Variants in CEP250 observed in about 807,000 individuals in gnomAD.
CEP250 encodes centrosomal protein 250.
CEP250 carries 242 observed loss-of-function variants against 315.7 expected under a neutral mutation model. The observed-to-expected ratio is 0.77, with a 90% CI of 0.69 to 0.85. CEP250 has a LOEUF of 0.85. Among genes scored for constraint, CEP250 ranks in the 40% least tolerant of loss-of-function variants. The pLI, the probability that CEP250 is intolerant of heterozygous loss-of-function variation, is 0.00. For synonymous variants in CEP250, 1,088 were observed against 1,175.0 expected, an observed-to-expected ratio of 0.93 and a Z score of 1.51; for missense variants, 2,515 against 2,886.4, an observed-to-expected ratio of 0.87 and a Z score of 2.95.
At position 35,512,263 on chromosome 20, in the gene CEP250, G is replaced by A. The variant is rs768724504; in HGVS notation, c.*637G>A. ...TCCAGGGGCTGAGGAAGGGAGGCACGAACTGGCCCTTGAAAGATGGAGTGG... is the reference window on the plus strand; with the variant it reads ...TCCAGGGGCTGAGGAAGGGAGGCACAAACTGGCCCTTGAAAGATGGAGTGG... On this transcript the variant is annotated 3_prime_UTR_variant, in exon 35 of 35. Coordinates refer to ENST00000397527, the MANE Select transcript of CEP250 (RefSeq NM_007186.6). The A allele has an allele frequency of 3.2e-5, 5 of 158,424 alleles. No individual in the cohort carries two copies. The highest frequency in any genetic ancestry group is 1.3e-4 in the Admixed American group (2 of 15,282). 9.8% of individuals were successfully genotyped at this position (158,424 alleles called of 1,614,324 possible).
chr20:35,508,819 T>A, intron 32 of CEP250, 124 bp from the exon 33 acceptor site: 1 of 737,222 alleles, frequency 1.4e-6, no homozygotes. Flanking sequence ...AGCCAGGAGT[T>A]CTCTTCCCAT....
intron 13 of CEP250, 131 bp downstream of exon 13, chr20:35,473,683 G>A (rs2063087404): frequency 1.8e-6 from 2 of 1,118,102 alleles, no homozygotes; most frequent in South Asian, 3.3e-5. Context: ...GGGCTGTTTT[G>A]CCCAGTGTTT....
At chr20:35,460,960 T>C (rs2062741769) in intron 3 of CEP250, among the ~76,000 whole-genome samples, 1 of 152,148 alleles carries the variant, frequency 6.6e-6, no homozygotes, top group African/African-American at 2.4e-5. Flanking sequence ...AGATGTAGAG[T>C]AGACATCAGA....
intron 4 of CEP250, 26 bp downstream of exon 4, chr20:35,462,579 G>T: frequency 6.4e-7 from 1 of 1,561,802 alleles, no homozygotes; most frequent in East Asian, 2.4e-5. Flanking sequence ...TTTTGGGGAG[G>T]GGAAAGAGAA....
intron 20 of CEP250, among the ~76,000 whole-genome samples, chr20:35,487,456 T>C (rs2063547254): frequency 6.7e-6 from 1 of 150,196 alleles, no homozygotes; most frequent in African/African-American, 2.5e-5. Flanking sequence ...GGCAACAGAG[T>C]GAGACTCTGT....
In CEP250 at chr20:35,511,423, C is replaced by T. The variant is rs563013303; in HGVS notation, c.7126C>T (p.Arg2376Cys). ...ERKQKQDYIT[R>C]SAQTSRELAG... Reference sequence around the variant, plus strand: ...GAAGCAGAAGCAGGACTACATCACCCGCTCAGCACAGACCAGCCGTGAGCT... The same window carrying T: ...GAAGCAGAAGCAGGACTACATCACCTGCTCAGCACAGACCAGCCGTGAGCT... The change falls in exon 35 of 35, where the codon CGC (arginine) becomes TGC (cysteine). Residue 2376 changes from arginine to cysteine, a missense_variant. Transcript: ENST00000397527. 14 of 1,613,842 alleles carry T rather than the reference C, an allele frequency of 8.7e-6. No individual in the cohort carries two copies. The highest frequency in any genetic ancestry group is 4.5e-5 in the East Asian group (2 of 44,866).
chr20:35,511,492 G>A lies in CEP250; in HGVS notation c.7195G>A (p.Ala2399Thr). 6.2e-7 allele frequency: 1 copy of A among 1,614,154 alleles called. No individual in the cohort carries two copies. Among genetic ancestry groups the A allele is most frequent in the Non-Finnish European group, 8.5e-7 (1 of 1,180,026 alleles). Residue 2399 changes from alanine (A) to threonine (T), a missense_variant, in exon 35 of 35, where the codon GCC (alanine) becomes ACC (threonine). By Grantham distance (58) the Ala-to-Thr change is moderately conservative. Transcript: ENST00000397527. The part of the protein sequence containing the change: ...HSLSHSLLAV[A>T]QAPEATVLEA... ...CCTCTCACACTCACTTCTTGCCGTG[G>A]CCCAGGCCCCTGAGGCCACTGTCCT...
rs531150649 is a variant in CEP250, at chr20:35,511,644, A to G, written c.*18A>G. On this transcript the variant is annotated 3_prime_UTR_variant, in exon 35 of 35. Transcript: ENST00000397527. ...CCAGGTAGCAGCCACAGCCAGGAGC[A>G]CACAGACAGAAGACTGTGTCATGGG... 4 of 1,601,574 alleles carry G rather than the reference A, an allele frequency of 2.5e-6. No individual in the cohort carries two copies. Among genetic ancestry groups the G allele is most frequent in the Non-Finnish European group, 3.4e-6 (4 of 1,172,838 alleles).
chr20:35,462,499 C>T lies in CEP250; in HGVS notation c.132C>T (p.Asn44=). The change falls in exon 4 of 35, where the codon AAC becomes AAT. Residue 44 remains asparagine, a synonymous_variant. Coordinates refer to ENST00000397527, the MANE Select transcript of CEP250 (RefSeq NM_007186.6). The part of the protein sequence containing the change: ...NQAASWRKLK[N]SQEAQQRQAT... ...CAGCCTCCTGGCGGAAGCTGAAGAA[C>T]TCCCAGGAGGCCCAGCAGAGACAAG... 8 of 1,610,164 alleles carry T rather than the reference C, an allele frequency of 5.0e-6. No individual in the cohort carries two copies. The highest frequency in any genetic ancestry group is 6.8e-6 in the Non-Finnish European group (8 of 1,178,258).
intron 1 of CEP250, among the ~76,000 whole-genome samples, chr20:35,457,023 C>G (rs1352689085): frequency 6.6e-6 from 1 of 152,176 alleles, no homozygotes. Context: ...CTCAAATGAT[C>G]TGCCCAACTC....
Position 35,503,659 on chromosome 20 carries a change from A to C in CEP250, c.5290A>C (p.Arg1764=). 1.9e-6 allele frequency: 3 copies of C among 1,614,072 alleles called. No individual in the cohort carries two copies. The highest frequency in any genetic ancestry group is 3.3e-5 in the Admixed American group (2 of 60,024). ...QLEQQLQGLH[R]KVGETSLLLS... is the part of the protein sequence containing the mutation. ...GGAGCAGCAGCTCCAGGGCCTGCAC[A>C]GGAAGGTAGGTGAGACCAGCCTCCT... The change falls in exon 30 of 35, where the codon AGG becomes CGG. Residue 1764 remains arginine (R), a synonymous_variant. Transcript: ENST00000397527. The surrounding 1 kb of genome is among the most constrained non-coding windows in gnomAD (Gnocchi z 4.2).
chr20:35,472,866 G>T, intron 12 of CEP250, 35 bp downstream of exon 12: 1 of 1,611,646 alleles, frequency 6.2e-7, no homozygotes, highest in South Asian at 1.1e-5. Flanking sequence ...CAGTCACAGG[G>T]GTTTGTGTCT....
rs2147167253 is a variant in CEP250 at position 35,504,030 on chromosome 20, G to A, written c.5661G>A (p.Glu1887=). ...GACGGCGGGTCCAGGCCCTGGAGGA[G>A]GTGCTGGGAGACCTAAGGGCTGAGT... ...VEGRRVQALE[E]VLGDLRAESR... is the part of the protein sequence containing the mutation. The change falls in exon 30 of 35, where the codon GAG becomes GAA. Residue 1887 remains glutamate (E), a synonymous_variant. Coordinates refer to ENST00000397527, the MANE Select transcript of CEP250 (RefSeq NM_007186.6). 6 of 1,607,076 alleles carry A rather than the reference G, an allele frequency of 3.7e-6. No homozygotes were observed. Among genetic ancestry groups the A allele is most frequent in the Non-Finnish European group, 5.1e-6 (6 of 1,176,144 alleles).
chr20:35,465,404 A>C (rs1447136494), intron 5 of CEP250, among the ~76,000 whole-genome samples: 5 of 146,194 alleles, frequency 3.4e-5, no homozygotes, highest in Non-Finnish European at 5.9e-5. Context: ...TGGGCGACAG[A>C]GCGAGACTCT....
In CEP250 at chr20:35,497,604, A is replaced by G. The variant is rs867163852; in HGVS notation, c.3307-115A>G. 92 of 738,676 alleles carry G rather than the reference A, an allele frequency of 1.2e-4. No homozygotes were observed. In the African/African-American group the frequency reaches 1.5e-3, roughly 12 times the overall value. 45.8% of individuals were successfully genotyped at this position (738,676 alleles called of 1,614,324 possible). On this transcript the variant is annotated intron_variant, in intron 25 of 34. Coordinates refer to ENST00000397527, the MANE Select transcript of CEP250 (RefSeq NM_007186.6). Reference sequence around the variant, plus strand: ...CTACCTGCCTGAGAGCTGAGCTGAAATCCTCCCAGCCCTGATCAGAGTTTG... The same window carrying G: ...CTACCTGCCTGAGAGCTGAGCTGAAGTCCTCCCAGCCCTGATCAGAGTTTG...
In CEP250 at chr20:35,515,865, G is replaced by A. The variant is rs927548579; in HGVS notation, c.*4239G>A. 6.6e-6 allele frequency: 1 copy of A among 152,214 alleles called. No individual in the cohort carries two copies. Among genetic ancestry groups the A allele is most frequent in the Admixed American group, 6.5e-5 (1 of 15,290 alleles). 9.4% of individuals were successfully genotyped at this position (152,214 alleles called of 1,614,324 possible). ...AAGAAGCAGGCAAGGGAGGATGAAG[G>A]GCAAAAACATGGGGTCCTGAGGCCC... On this transcript the variant is annotated 3_prime_UTR_variant, in exon 35 of 35. Transcript: ENST00000397527.
intron 22 of CEP250, among the ~76,000 whole-genome samples, chr20:35,492,619 C>T (rs1029936577): frequency 1.3e-5 from 2 of 152,210 alleles, no homozygotes; most frequent in Non-Finnish European, 2.9e-5. Flanking sequence ...AGTGTGGCTC[C>T]AGCTTGATAA....
At chr20:35,465,241 G>A (rs1254135328) in intron 5 of CEP250, among the ~76,000 whole-genome samples, 1 of 152,032 alleles carries the variant, frequency 6.6e-6, no homozygotes, top group Non-Finnish European at 1.5e-5. Context: ...CCAACATGGC[G>A]AAACCCCATC....
Position 35,490,301 on chromosome 20 carries a change from A to G in CEP250, c.2587-336A>G, listed in dbSNP as rs143465045. On this transcript the variant is annotated intron_variant, in intron 20 of 34. Coordinates refer to ENST00000397527, the MANE Select transcript of CEP250 (RefSeq NM_007186.6). Reference sequence around the variant, plus strand: ...GCAGTCCAGCCTGGGTGACAGGGCAAGACTCCGTCTCCAAAAAAAAATTAA... The same window carrying G: ...GCAGTCCAGCCTGGGTGACAGGGCAGGACTCCGTCTCCAAAAAAAAATTAA... Among the ~76,000 whole-genome samples the G allele has an allele frequency of 9.2e-3, 1,395 of 152,306 alleles. 16 individuals carry two copies. The highest frequency in any genetic ancestry group is 0.031 in the African/African-American group (1,292 of 41,556).
Sources: allele counts gnomAD v4.1 joint callset (sites outside exome capture counted in the v4.1 genomes callset), GRCh38; gene constraint gnomAD v4.1.1; non-coding constraint Gnocchi (gnomAD v3.1); transcripts MANE v1.5; gene names NCBI Gene and HGNC (gene_info 2026-07-23, HGNC 2026-07-21).